The following ERBB4 variants were observed in gnomAD, a reference collection of about 807,000 sequenced individuals.
The protein encoded by ERBB4 is receptor tyrosine-protein kinase erbB-4.
Under a neutral mutation model 158.0 loss-of-function variants are expected in ERBB4, and 42 were observed. That is an observed-to-expected ratio of 0.27 (90% CI 0.21 to 0.34). The LOEUF (loss-of-function observed/expected upper bound fraction) is 0.34. ERBB4 is among the 10% of genes least tolerant of loss of function. ERBB4 has a pLI of 1.00. For missense variants in ERBB4, 1,333 were observed against 1,624.1 expected, an observed-to-expected ratio of 0.82 and a Z score of 3.08; for synonymous variants, 583 against 558.7, an observed-to-expected ratio of 1.04 and a Z score of -0.61.
At chr2:212,042,933 T>G (rs961413372) in intron 2 of ERBB4, among the ~76,000 whole-genome samples, 1 of 152,148 alleles carries the variant, frequency 6.6e-6, no homozygotes, top group Non-Finnish European at 1.5e-5. Context: ...TGGAATTCAT[T>G]TTACAAGCAA....
At chr2:211,714,219 A>G (rs978251609) in intron 7 of ERBB4, among the ~76,000 whole-genome samples, 1 of 152,240 alleles carries the variant, frequency 6.6e-6, no homozygotes, top group African/African-American at 2.4e-5. Context: ...TTTGTTACCC[A>G]ATACTTGGAT....
At chr2:211,508,833 G>A (rs1013980070) in intron 20 of ERBB4, among the ~76,000 whole-genome samples, 5 of 152,122 alleles carry the variant, frequency 3.3e-5, no homozygotes, top group Non-Finnish European at 7.3e-5. Context: ...AGGAGGCTGA[G>A]GCAGGAGAAT....
chr2:211,544,045 G>T (rs1376188057), intron 20 of ERBB4, among the ~76,000 whole-genome samples: 1 of 151,822 alleles, frequency 6.6e-6, no homozygotes, highest in Non-Finnish European at 1.5e-5. Context: ...GATACATTTT[G>T]ATATAATGAT....
Position 211,889,187 on chromosome 2 carries a change from C to G in ERBB4, c.421+58243G>C, listed in dbSNP as rs549495145. 1.5e-5 allele frequency among the ~76,000 whole-genome samples: 2 copies of G among 131,404 alleles called. 1 individual carries two copies. The highest frequency in any genetic ancestry group is 4.3e-4 in the South Asian group (2 of 4,634). 86.2% of individuals were successfully genotyped at this position (131,404 alleles called of 152,430 possible). ...GAAGAGAGCAGTGGTTCTCCCAGCACGCAGCTGGAGATCTGAGAACCCGCA... is the reference window on the plus strand; with the variant it reads ...GAAGAGAGCAGTGGTTCTCCCAGCAGGCAGCTGGAGATCTGAGAACCCGCA... On this transcript the variant is annotated intron_variant, in intron 3 of 27. Coordinates refer to ENST00000342788, the MANE Select transcript of ERBB4 (RefSeq NM_005235.3).
chr2:211,912,037 G>A (rs1440127236), intron 3 of ERBB4, among the ~76,000 whole-genome samples: 1 of 152,118 alleles, frequency 6.6e-6, no homozygotes, highest in East Asian at 1.9e-4. Flanking sequence ...AGGTTTTTGG[G>A]AGGTTTAATA....
At chr2:212,381,137 A>G (rs1164626685) in intron 1 of ERBB4, among the ~76,000 whole-genome samples, 1 of 151,440 alleles carries the variant, frequency 6.6e-6, no homozygotes, top group Non-Finnish European at 1.5e-5. Flanking sequence ...AAATGCTAAC[A>G]AGCTTAAAAC....
At chr2:212,524,320 T>C (rs989782845) in intron 1 of ERBB4, among the ~76,000 whole-genome samples, 2 of 152,044 alleles carry the variant, frequency 1.3e-5, no homozygotes, top group African/African-American at 4.8e-5. Context: ...ATTGTAGATG[T>C]AGTGACCTCC....
intron 20 of ERBB4, among the ~76,000 whole-genome samples, chr2:211,473,823 C>A (rs903780299): frequency 6.6e-6 from 1 of 152,020 alleles, no homozygotes; most frequent in South Asian, 2.1e-4. Context: ...TTACCTGTTG[C>A]ATCCAAATCT....
At chr2:212,475,860 C>G (rs1411183342) in intron 1 of ERBB4, among the ~76,000 whole-genome samples, 1 of 152,010 alleles carries the variant, frequency 6.6e-6, no homozygotes, top group Non-Finnish European at 1.5e-5. Flanking sequence ...ATCCACTTCT[C>G]CCTAGTCCCT....
rs141785829 is a variant in ERBB4, at chr2:212,016,139, C to CAT, written c.235-68525_235-68524dup. Among the ~76,000 whole-genome samples, 240 of 148,542 alleles carry CAT rather than the reference C, an allele frequency of 1.6e-3. 1 individual carries two copies. The highest frequency in any genetic ancestry group is 3.5e-3 in the Middle Eastern group (1 of 286). On this transcript the variant is annotated intron_variant, in intron 2 of 27. Coordinates refer to ENST00000342788, the MANE Select transcript of ERBB4 (RefSeq NM_005235.3). ...TTCTTTCCTTTTGACAATGACTAGA[C>CAT]ATATATATATATATATTTTAACTTT...
chr2:212,326,505 T>A (rs2087841052), intron 1 of ERBB4, among the ~76,000 whole-genome samples: 1 of 150,822 alleles, frequency 6.6e-6, no homozygotes, highest in Non-Finnish European at 1.5e-5. Context: ...TAAAAAAAAA[T>A]TCATTTGAAT....
intron 4 of ERBB4, among the ~76,000 whole-genome samples, chr2:211,755,265 G>A (rs1386144287): frequency 6.6e-6 from 1 of 152,166 alleles, no homozygotes; most frequent in Non-Finnish European, 1.5e-5. Flanking sequence ...ACTTTGGGAG[G>A]CCAAGGTGGG....
intron 3 of ERBB4, among the ~76,000 whole-genome samples, chr2:211,915,435 T>TTATATATATATATATATATA (rs1289522405): frequency 1.5e-3 from 200 of 135,460 alleles, no homozygotes; most frequent in Non-Finnish European, 2.0e-3. Flanking sequence ...AGTTCAAACA[T>TTATATATATATATATATATA]TACATATATA....
intron 2 of ERBB4, among the ~76,000 whole-genome samples, chr2:212,018,627 A>C (rs1689520697): frequency 6.6e-6 from 1 of 152,172 alleles, no homozygotes; most frequent in South Asian, 2.1e-4. Flanking sequence ...AAATGCATTT[A>C]CTCAGTGTAA....
intron 16 of ERBB4, among the ~76,000 whole-genome samples, chr2:211,640,255 C>G (rs997032023): frequency 2.0e-5 from 3 of 152,126 alleles, no homozygotes; most frequent in Non-Finnish European, 4.4e-5. Flanking sequence ...TTTCTACTTA[C>G]ATTGGCCTGC....
At chr2:212,478,708 G>T (rs1689533438) in intron 1 of ERBB4, among the ~76,000 whole-genome samples, 1 of 151,868 alleles carries the variant, frequency 6.6e-6, no homozygotes, top group Non-Finnish European at 1.5e-5. Flanking sequence ...ATTTTCCAGA[G>T]ACCACTGTCT....
chr2:211,686,848 T>G (rs2105982876), intron 12 of ERBB4, among the ~76,000 whole-genome samples: 1 of 152,298 alleles, frequency 6.6e-6, no homozygotes, highest in East Asian at 1.9e-4. Flanking sequence ...TACATTGGCC[T>G]TTAGTTTTAT....
At chr2:211,683,815 G>T (rs985099077) in intron 12 of ERBB4, among the ~76,000 whole-genome samples, 1 of 150,206 alleles carries the variant, frequency 6.7e-6, no homozygotes, top group Non-Finnish European at 1.5e-5. Context: ...CACCAACCAT[G>T]TATTCATTAT....
intron 1 of ERBB4, among the ~76,000 whole-genome samples, chr2:212,384,077 TTA>T (rs1436539007): frequency 6.6e-6 from 1 of 151,592 alleles, no homozygotes; most frequent in Non-Finnish European, 1.5e-5. Flanking sequence ...GTCCTAAAGG[TTA>T]TGAGAGTACT....
Sources: allele counts gnomAD v4.1 joint callset (sites outside exome capture counted in the v4.1 genomes callset), GRCh38; gene constraint gnomAD v4.1.1; transcripts MANE v1.5; gene names NCBI Gene and HGNC (gene_info 2026-07-23, HGNC 2026-07-21).